The following SLC24A2 variants were observed in gnomAD, a reference collection of about 807,000 sequenced individuals.
The protein encoded by SLC24A2 is sodium/potassium/calcium exchanger 2.
A neutral mutation model predicts 62.0 loss-of-function variants in SLC24A2; 36 were observed. The observed-to-expected ratio is 0.58, with a 90% CI of 0.44 to 0.77. SLC24A2 has a LOEUF of 0.77. SLC24A2 is among the 30% of genes least tolerant of loss of function. The probability of loss-of-function intolerance (pLI) is 0.00; values close to 1 mark genes in which losing one functional copy is unlikely to be tolerated. For synonymous variants in SLC24A2, 358 were observed against 294.0 expected (o/e 1.22, Z -2.23); for missense variants, 846 against 817.9 (o/e 1.03, Z -0.42).
At chr9:20,154,648 TTA>T in the SLC24A2 span, among the ~76,000 whole-genome samples, 1 of 16,574 alleles carries the variant, frequency 6.0e-5, no homozygotes, top group South Asian at 2.6e-3. Flanking sequence ...TTTTCTAAGG[TTA>T]AAAAAAAAAA....
intron 2 of SLC24A2, among the ~76,000 whole-genome samples, chr9:19,623,029 C>T (rs1817947183): frequency 6.6e-6 from 1 of 152,088 alleles, no homozygotes; most frequent in African/African-American, 2.4e-5. Context: ...AACACAAGGG[C>T]ACATAAAGGC....
At chr9:19,546,602 T>C (rs763347551) in intron 8 of SLC24A2, among the ~76,000 whole-genome samples, 6 of 152,150 alleles carry the variant, frequency 3.9e-5, no homozygotes, top group Non-Finnish European at 8.8e-5. Context: ...CTTCAAGTTG[T>C]GGATCTTAGC....
Position 19,514,015 on chromosome 9 carries a change from G to A in SLC24A2, c.*2138C>T, listed in dbSNP as rs1832834438. 6.6e-6 allele frequency: 1 copy of A among 152,196 alleles called. No homozygotes were observed. Among genetic ancestry groups the A allele is most frequent in the Admixed American group, 6.5e-5 (1 of 15,272 alleles). The allele number at this position is 152,196 out of a possible 1,614,324, so 9.4% of individuals were successfully genotyped here. A position where few individuals can be genotyped will look rare whatever the true frequency, so the allele number is the denominator to read the frequency against. ...TCTTGGAAGGCATTGTCCCACATCT[G>A]AAGACCCCAATCTGCCGAGTTGGAG... On this transcript the variant is annotated 3_prime_UTR_variant, in exon 11 of 11. Transcript: ENST00000341998.
the SLC24A2 span, among the ~76,000 whole-genome samples, chr9:20,195,676 C>T: frequency 1.3e-5 from 2 of 152,090 alleles, no homozygotes; most frequent in Non-Finnish European, 2.9e-5. Flanking sequence ...ATGAGTTTGG[C>T]TAGCCCTTTG....
chr9:19,564,901 TG>T, intron 7 of SLC24A2, among the ~76,000 whole-genome samples: 1 of 152,248 alleles, frequency 6.6e-6, no homozygotes, highest in South Asian at 2.1e-4. Flanking sequence ...GCAGTGTATG[TG>T]GGCCAAGTGC....
the SLC24A2 span, among the ~76,000 whole-genome samples, chr9:19,900,202 C>T: frequency 6.6e-6 from 1 of 152,128 alleles, no homozygotes; most frequent in East Asian, 1.9e-4. Context: ...TCTTTATGAG[C>T]TCTATTTATT....
At chr9:20,060,909 G>C in the SLC24A2 span, among the ~76,000 whole-genome samples, 7 of 151,758 alleles carry the variant, frequency 4.6e-5, no homozygotes, top group African/African-American at 1.7e-4. Flanking sequence ...TAACCAGAAA[G>C]TAAATTAAAA....
chr9:20,180,245 A>G, the SLC24A2 span, among the ~76,000 whole-genome samples: 1 of 152,200 alleles, frequency 6.6e-6, no homozygotes, highest in African/African-American at 2.4e-5. Context: ...AAATTCACTA[A>G]TAACACCTGA....
the SLC24A2 span, among the ~76,000 whole-genome samples, chr9:19,893,337 A>G: frequency 6.6e-6 from 1 of 152,206 alleles, no homozygotes; most frequent in East Asian, 1.9e-4. Flanking sequence ...AGGCTGAACC[A>G]TATCTGGAAA....
the SLC24A2 span, among the ~76,000 whole-genome samples, chr9:20,003,821 A>G: frequency 1.3e-5 from 2 of 152,012 alleles, no homozygotes; most frequent in Non-Finnish European, 2.9e-5. Context: ...GGCAAGAAGT[A>G]GCTTGCCAAT....
the SLC24A2 span, among the ~76,000 whole-genome samples, chr9:20,285,971 T>C: frequency 6.6e-6 from 1 of 152,144 alleles, no homozygotes; most frequent in Admixed American, 6.5e-5. Flanking sequence ...CTGTGAGAAA[T>C]AAATTTCTGT....
chr9:19,759,714 G>GCATTA (rs1564084581), intron 2 of SLC24A2, among the ~76,000 whole-genome samples: 4 of 152,012 alleles, frequency 2.6e-5, no homozygotes, highest in Non-Finnish European at 1.5e-5. Context: ...ACTCTTTTAG[G>GCATTA]CATTAGGGAT....
the SLC24A2 span, among the ~76,000 whole-genome samples, chr9:20,195,172 TA>T: frequency 6.6e-6 from 1 of 152,208 alleles, no homozygotes; most frequent in African/African-American, 2.4e-5. Flanking sequence ...TCATCTATTT[TA>T]CTGTTGATGG....
At chr9:19,780,990 AAAAT>A (rs1823001893) in intron 2 of SLC24A2, among the ~76,000 whole-genome samples, 1 of 152,148 alleles carries the variant, frequency 6.6e-6, no homozygotes, top group Admixed American at 6.5e-5. Flanking sequence ...CAGAAAGGCC[AAAAT>A]AAATAGAAAG....
chr9:19,599,871 G>A lies in SLC24A2; in HGVS notation c.1079-2592C>T, dbSNP rs1836798458. 6.6e-6 allele frequency among the ~76,000 whole-genome samples: 1 copy of A among 152,172 alleles called. No individual in the cohort carries two copies. Among genetic ancestry groups the A allele is most frequent in the African/African-American group, 2.4e-5 (1 of 41,442 alleles). ...GACCCGGGAGGCGCTCACCGGCATAGGAATGTGGCTTGCAACCAGCACACT... is the reference window on the plus strand; with the variant it reads ...GACCCGGGAGGCGCTCACCGGCATAAGAATGTGGCTTGCAACCAGCACACT... On this transcript the variant is annotated intron_variant, in intron 4 of 10. Coordinates refer to ENST00000341998, the MANE Select transcript of SLC24A2 (RefSeq NM_020344.4). The surrounding 1 kb of genome is among the most constrained non-coding windows in gnomAD (Gnocchi z 4.5).
chr9:20,168,616 C>T, the SLC24A2 span, among the ~76,000 whole-genome samples: 13 of 152,000 alleles, frequency 8.6e-5, no homozygotes, highest in Non-Finnish European at 1.9e-4. Flanking sequence ...TCATATCATT[C>T]GTTATTAGGG....
At chr9:20,139,892 A>G in the SLC24A2 span, among the ~76,000 whole-genome samples, 1 of 152,214 alleles carries the variant, frequency 6.6e-6, no homozygotes, top group Non-Finnish European at 1.5e-5. Flanking sequence ...AACAGCTTCT[A>G]TCCAGCAGGC....
the SLC24A2 span, among the ~76,000 whole-genome samples, chr9:20,001,121 A>C: frequency 2.0e-5 from 3 of 152,324 alleles, no homozygotes; most frequent in South Asian, 4.1e-4. Context: ...ACAAAGGAGA[A>C]AGTTAAAGCC....
chr9:19,824,674 A>G, the SLC24A2 span, among the ~76,000 whole-genome samples: 1 of 152,196 alleles, frequency 6.6e-6, no homozygotes, highest in African/African-American at 2.4e-5. Context: ...TACTGGGTAT[A>G]TACCCAAAGG....
Sources: allele counts gnomAD v4.1 joint callset (sites outside exome capture counted in the v4.1 genomes callset), GRCh38; gene constraint gnomAD v4.1.1; non-coding constraint Gnocchi (gnomAD v3.1); transcripts MANE v1.5; gene names NCBI Gene and HGNC (gene_info 2026-07-23, HGNC 2026-07-21).